The following EFCAB5 variants were observed in gnomAD, a reference collection of about 807,000 sequenced individuals.
EFCAB5 encodes EF-hand calcium-binding domain-containing protein 5.
EFCAB5 carries 131 observed loss-of-function variants against 167.9 expected under a neutral mutation model. The observed-to-expected ratio is 0.78, with a 90% confidence interval of 0.68 to 0.90. The LOEUF (loss-of-function observed/expected upper bound fraction) is 0.90. EFCAB5 is among the 40% of genes least tolerant of loss of function. The pLI, the probability that EFCAB5 is intolerant of heterozygous loss-of-function variation, is 0.00. For synonymous variants in EFCAB5, 574 were observed against 602.8 expected, an observed-to-expected ratio of 0.95 and a Z score of 0.70; for missense variants, 1,663 against 1,745.2, an observed-to-expected ratio of 0.95 and a Z score of 0.84.
rs1472887896 is a variant in EFCAB5, at chr17:30,034,358, A to T, written c.1173A>T (p.Glu391Asp). ...ACATGCGGAGGCAGATGTTCGCTGA[A>T]CTCTTCCTACATTGTGACCACGGGA... ...KADMRRQMFA[E>D]LFLHCDHGKV... Residue 391 changes from glutamate (E) to aspartate (D), a missense_variant, in exon 8 of 23, where the codon GAA (glutamate) becomes GAT (aspartate). By Grantham distance (45) the Glu-to-Asp change is conservative (BLOSUM62 2). Transcript: ENST00000394835. The T allele has an allele frequency of 6.2e-7, 1 of 1,607,504 alleles. No individual in the cohort carries two copies. The highest frequency in any genetic ancestry group is 8.5e-7 in the Non-Finnish European group (1 of 1,176,448).
In EFCAB5 at chr17:30,056,178, A is replaced by G. The variant is rs775914164; in HGVS notation, c.2365+22A>G. On this transcript the variant is annotated intron_variant, in intron 12 of 22. Coordinates refer to ENST00000394835, the MANE Select transcript of EFCAB5 (RefSeq NM_198529.4). ...ACAGGTACATGTTAACAATGAAAGT[A>G]GGAATAGATGGCAGTCCAATAGATG... 10 of 1,585,642 alleles carry G rather than the reference A, an allele frequency of 6.3e-6. No individual in the cohort carries two copies. The East Asian group carries it at 2.0e-4, about 32-fold the overall frequency.
intron 6 of EFCAB5, 111 bp from the exon 7 acceptor site, chr17:29,999,795 T>C: frequency 1.5e-6 from 1 of 646,544 alleles, no homozygotes; most frequent in Non-Finnish European, 2.4e-6. Context: ...GTAATTATGG[T>C]TAGACATTAG....
chr17:30,059,838 AT>A, intron 14 of EFCAB5, 137 bp downstream of exon 14: 1 of 560,178 alleles, frequency 1.8e-6, no homozygotes. Context: ...ATAGATATAC[AT>A]TTATCTTATT....
Position 29,969,289 on chromosome 17 carries a change from G to A in EFCAB5, c.689G>A (p.Gly230Glu). ...AATCCTAATTATATCAAAGACCCAG[G>A]AATGTCTGGTTACCAGAGGTTGATG... ...RNNPNYIKDP[G>E]MSGYQRLMKE... Residue 230 changes from glycine to glutamate, a missense_variant, in exon 4 of 23, where the codon GGA (glycine) becomes GAA (glutamate). Coordinates refer to ENST00000394835, the MANE Select transcript of EFCAB5 (RefSeq NM_198529.4). 2 of 1,613,230 alleles carry A rather than the reference G, an allele frequency of 1.2e-6. No individual in the cohort carries two copies. The highest frequency in any genetic ancestry group is 8.5e-7 in the Non-Finnish European group (1 of 1,179,672).
chr17:29,939,530 G>T (rs1280456678), upstream of EFCAB5, among the ~76,000 whole-genome samples: 1 of 152,194 alleles, frequency 6.6e-6, no homozygotes, highest in Non-Finnish European at 1.5e-5. Flanking sequence ...TGTTTAGTCT[G>T]CATGGAAAAT....
In EFCAB5 at chr17:29,968,982, G is replaced by A. The variant is rs773158333; in HGVS notation, c.382G>A (p.Ala128Thr). 2.5e-6 allele frequency: 4 copies of A among 1,589,686 alleles called. No homozygotes were observed. Among genetic ancestry groups the A allele is most frequent in the Non-Finnish European group, 3.4e-6 (4 of 1,168,660 alleles). Residue 128 changes from alanine to threonine, a missense_variant, in exon 4 of 23, where the codon GCA (alanine) becomes ACA (threonine). Physicochemically the swap from Ala to Thr is moderately conservative, Grantham distance 58. Transcript: ENST00000394835. Reference protein sequence around the residue: ...LFERMEARAQAMQQKIIDKEN... With the variant: ...LFERMEARAQTMQQKIIDKEN... The stretch of plus-strand genomic sequence containing the variant: ...TGAAAGAATGGAGGCAAGAGCCCAA[G>A]CAATGCAGCAGAAAATAATAGATAA...
chr17:30,051,076 AT>A, intron 8 of EFCAB5, 41 bp from the exon 9 acceptor site: 1 of 1,588,302 alleles, frequency 6.3e-7, no homozygotes, highest in Non-Finnish European at 8.6e-7. Flanking sequence ...AAAATCTTAA[AT>A]CTCCTGTAAC....
chr17:29,996,406 T>G (rs1353027769), intron 6 of EFCAB5, 46 bp downstream of exon 6: 10 of 1,456,022 alleles, frequency 6.9e-6, no homozygotes, highest in Non-Finnish European at 9.3e-6. Flanking sequence ...ATTTCTTTTT[T>G]GGGTGGGGGA....
intron 5 of EFCAB5, 122 bp from the exon 6 acceptor site, chr17:29,996,190 G>A (rs2151643236): frequency 2.7e-6 from 2 of 731,168 alleles, no homozygotes; most frequent in Non-Finnish European, 4.4e-6. Flanking sequence ...TCCTTGGGTT[G>A]GAAAGATCAC....
chr17:29,999,901 A>C lies in EFCAB5; in HGVS notation c.974-5A>C. ...ACTAGCAAATAATCTTCATTCCATA[A>C]ATAGGATCACACTGCAAACAACTGG... On this transcript the variant is annotated splice_polypyrimidine_tract_variant and splice_region_variant and intron_variant, in intron 6 of 22. Coordinates refer to ENST00000394835, the MANE Select transcript of EFCAB5 (RefSeq NM_198529.4). The C allele has an allele frequency of 6.4e-6, 10 of 1,573,462 alleles. No homozygotes were observed. The highest frequency in any genetic ancestry group is 7.8e-6 in the Non-Finnish European group (9 of 1,157,214).
chr17:29,939,674 C>T (rs987162726), upstream of EFCAB5, among the ~76,000 whole-genome samples: 5 of 152,186 alleles, frequency 3.3e-5, no homozygotes, highest in African/African-American at 9.7e-5. Flanking sequence ...TTCCTTAAAC[C>T]CCATGAATCA....
chr17:30,070,136 C>T (rs2070694761), intron 14 of EFCAB5, among the ~76,000 whole-genome samples: 1 of 152,088 alleles, frequency 6.6e-6, no homozygotes, highest in South Asian at 2.1e-4. Context: ...GGCTTCTTGT[C>T]TGTCTGAGTC....
chr17:29,968,381 A>G (rs1431369213), intron 3 of EFCAB5: 3 of 448,036 alleles, frequency 6.7e-6, no homozygotes, highest in Non-Finnish European at 1.3e-5. Flanking sequence ...TGTAAAGGGA[A>G]GTCTTAGAGT....
intron 18 of EFCAB5, 66 bp from the exon 19 acceptor site, chr17:30,086,997 C>A: frequency 7.1e-7 from 1 of 1,409,516 alleles, no homozygotes; most frequent in Non-Finnish European, 9.9e-7. Flanking sequence ...ATTTATCTGT[C>A]CCCAAAAGCT....
At position 30,056,091 on chromosome 17, in the gene EFCAB5, T is replaced by C; in HGVS notation, c.2300T>C (p.Met767Thr). Residue 767 changes from methionine to threonine, a missense_variant, in exon 12 of 23, where the codon ATG (methionine) becomes ACG (threonine). Transcript: ENST00000394835. ...SGEFFTCNWK[M>T]KYVTFEDEEQ... ...GAATTTTTTACTTGTAACTGGAAAA[T>C]GAAGTATGTCACATTTGAAGATGAG... 2 of 1,612,766 alleles carry C rather than the reference T, an allele frequency of 1.2e-6. No individual in the cohort carries two copies. The highest frequency in any genetic ancestry group is 1.7e-6 in the Non-Finnish European group (2 of 1,179,278).
intron 8 of EFCAB5, among the ~76,000 whole-genome samples, chr17:30,035,795 C>T (rs2151742185): frequency 6.6e-6 from 1 of 152,140 alleles, no homozygotes; most frequent in South Asian, 2.1e-4. Context: ...TCATCTTCTG[C>T]TTTGAAGAAA....
intron 9 of EFCAB5, among the ~76,000 whole-genome samples, chr17:30,051,501 A>G (rs1308317864): frequency 6.6e-6 from 1 of 152,238 alleles, no homozygotes; most frequent in East Asian, 1.9e-4. Context: ...AAATGAAGAA[A>G]TGCTTTAGTG....
chr17:30,094,507 CAAAAAAAAAAAAAAAAA>C (rs57885339), intron 22 of EFCAB5, among the ~76,000 whole-genome samples: 2 of 40,716 alleles, frequency 4.9e-5, no homozygotes, highest in Non-Finnish European at 1.1e-4. Flanking sequence ...CTTGTCTCTC[CAAAAAAAAAAAAAAAAA>C]AAAAAAAAAA....
intron 8 of EFCAB5, among the ~76,000 whole-genome samples, chr17:30,041,441 G>A (rs2069771564): frequency 6.6e-6 from 1 of 152,188 alleles, no homozygotes; most frequent in Non-Finnish European, 1.5e-5. Flanking sequence ...TGACTGAATT[G>A]CTGTAATCTC....
Sources: gnomAD v4.1 joint callset for allele counts (sites outside exome capture counted in the v4.1 genomes callset) on GRCh38, gnomAD v4.1.1 for gene constraint, MANE v1.5 for transcripts, NCBI Gene and HGNC (gene_info 2026-07-23, HGNC 2026-07-21) for gene names.